Variants in PSG6 observed in about 807,000 individuals in gnomAD.
The protein encoded by PSG6 is pregnancy-specific beta-1-glycoprotein 6.
Under a neutral mutation model 43.3 loss-of-function variants are expected in PSG6, and 51 were observed. That is an observed-to-expected ratio of 1.18 (90% CI 0.94 to 1.49). PSG6 has a LOEUF of 1.49. Among genes scored for constraint, PSG6 ranks in the 40% most tolerant of loss-of-function variants. The pLI, the probability that PSG6 is intolerant of heterozygous loss-of-function variation, is 0.00. For synonymous variants in PSG6, 292 were observed against 197.6 expected (o/e 1.48, Z -4.01); for missense variants, 770 against 522.2 (o/e 1.47, Z -4.62).
At chr19:42,902,810 A>G (rs1427926037) in intron 5 of PSG6, among the ~76,000 whole-genome samples, 2 of 151,492 alleles carry the variant, frequency 1.3e-5, no homozygotes, top group African/African-American at 4.9e-5. Flanking sequence ...GGTAAAAACT[A>G]ACATACCAGA....
chr19:42,907,270 G>C, intron 4 of PSG6, 94 bp from the exon 5 acceptor site: 1 of 1,530,144 alleles, frequency 6.5e-7, no homozygotes. Context: ...TCTGAACCAA[G>C]ACACAACCTC....
intron 5 of PSG6, chr19:42,903,542 CA>C: frequency 7.7e-7 from 1 of 1,306,718 alleles, no homozygotes. Flanking sequence ...AATTGACAAC[CA>C]TTAACTAGAT....
chr19:42,912,989 A>G (rs1355984045), intron 2 of PSG6, among the ~76,000 whole-genome samples: 2 of 151,724 alleles, frequency 1.3e-5, no homozygotes, highest in African/African-American at 4.8e-5. Context: ...TCAAAACAAA[A>G]TATTAAATAT....
chr19:42,916,032 A>G, intron 2 of PSG6, 93 bp downstream of exon 2: 1 of 1,578,900 alleles, frequency 6.3e-7, no homozygotes, highest in Non-Finnish European at 8.6e-7. Context: ...GCAGAGAGTG[A>G]CACAGGCAGA....
At chr19:42,911,207 C>T (rs1972218710) in intron 2 of PSG6, among the ~76,000 whole-genome samples, 1 of 151,544 alleles carries the variant, frequency 6.6e-6, no homozygotes, top group Admixed American at 6.6e-5. Flanking sequence ...TTGGGGCATG[C>T]AGTGCTGGAA....
In PSG6 at chr19:42,907,854, G is replaced by T. The variant is rs139952440; in HGVS notation, c.707C>A (p.Pro236Gln). ...GGTGATGTAAGGCATGGGCAGCTTCGCTGTGTGGATAACAGAAGATTGTCC... is the reference window on the plus strand; with the variant it reads ...GGTGATGTAAGGCATGGGCAGCTTCTCTGTGTGGATAACAGAAGATTGTCC... ...RSDPVTLNLLPKLPMPYITIN... is the reference protein window; with the variant it reads ...RSDPVTLNLLQKLPMPYITIN... Residue 236 changes from proline (P) to glutamine (Q), a missense_variant and splice_region_variant, in exon 4 of 6, where the codon CCG (proline) becomes CAG (glutamine). Coordinates refer to ENST00000187910, the MANE Select transcript of PSG6 (RefSeq NM_001031850.4). 2.4e-4 allele frequency: 390 copies of T among 1,610,596 alleles called. 9 individuals are homozygous for T. The African/African-American group carries it at 4.5e-3, about 19-fold the overall frequency.
At chr19:42,906,692 C>A (rs1063014) in intron 5 of PSG6, 8 of 1,452,560 alleles carry the variant, frequency 5.5e-6, no homozygotes, top group East Asian at 2.4e-5. Flanking sequence ...GCTGATAAAG[C>A]CCCCTCCCTA....
rs1972129087 is a variant in PSG6, at chr19:42,907,134, TA to T, written c.1027del (p.Tyr343ThrfsTer66). 6 of 1,612,408 alleles carry T rather than the reference TA, an allele frequency of 3.7e-6. 1 individual carries two copies. The highest frequency in any genetic ancestry group is 5.1e-6 in the Non-Finnish European group (6 of 1,179,246). On this transcript the variant is annotated frameshift_variant, in exon 5 of 6. Transcript: ENST00000187910. LOFTEE classifies it high-confidence loss of function. Reference sequence around the variant, plus strand: ...CAAGTCGAGGTTTTCTCCTGAACGGTAATAGGTGAATGAAGGGTAAATTCTG... The same window carrying T: ...CAAGTCGAGGTTTTCTCCTGAACGGTATAGGTGAATGAAGGGTAAATTCTG... ...LPRIYPSFTY[Y>X]RSGENLDLSC...
chr19:42,917,420 G>A (rs1465818674), intron 1 of PSG6, among the ~76,000 whole-genome samples: 1 of 145,226 alleles, frequency 6.9e-6, no homozygotes, highest in African/African-American at 2.6e-5. Context: ...CTGGCGTGCA[G>A]TGGTGCTGTC....
In PSG6 at chr19:42,916,353, A is replaced by G. The variant is rs763318394; in HGVS notation, c.199T>C (p.Trp67Arg). 6.2e-7 allele frequency: 1 copy of G among 1,612,028 alleles called. No individual in the cohort carries two copies. Among genetic ancestry groups the G allele is most frequent in the African/African-American group, 1.3e-5 (1 of 74,656 alleles). ...NLPQNLTGYIWYKGQMTDLYH... is the reference protein window; with the variant it reads ...NLPQNLTGYIRYKGQMTDLYH... Reference sequence around the variant, plus strand: ...AGGTCCGTCATTTGCCCTTTGTACCAGATGTAGCCAGTAAGATTCTGGGGC... The same window carrying G: ...AGGTCCGTCATTTGCCCTTTGTACCGGATGTAGCCAGTAAGATTCTGGGGC... Residue 67 changes from tryptophan to arginine, a missense_variant, in exon 2 of 6, where the codon TGG (tryptophan) becomes CGG (arginine). Physicochemically the swap from Trp to Arg is moderately radical, Grantham distance 101. Transcript: ENST00000187910.
intron 2 of PSG6, 23 bp from the exon 3 acceptor site, chr19:42,910,881 A>G (rs770994395): frequency 2.5e-6 from 4 of 1,589,116 alleles, no homozygotes; most frequent in Admixed American, 1.7e-5. Context: ...CAGAGAGAAG[A>G]TTGCCCTGTG....
chr19:42,904,899 C>G (rs1600538512), intron 5 of PSG6, among the ~76,000 whole-genome samples: 1 of 151,560 alleles, frequency 6.6e-6, no homozygotes, highest in Non-Finnish European at 1.5e-5. Flanking sequence ...CTACAAAGCC[C>G]CAGTAATCAA....
chr19:42,902,733 C>T (rs1327119048), intron 5 of PSG6, among the ~76,000 whole-genome samples: 1 of 151,434 alleles, frequency 6.6e-6, no homozygotes, highest in Admixed American at 6.6e-5. Context: ...GCCCCACATT[C>T]CCTCACAGGT....
In PSG6 at chr19:42,907,672, G is replaced by A. The variant is rs768752410; in HGVS notation, c.889C>T (p.Pro297Ser). 7.3e-5 allele frequency: 117 copies of A among 1,611,074 alleles called. 5 individuals are homozygous for A. The Middle Eastern group carries it at 8.2e-4, about 11-fold the overall frequency. The change falls in exon 4 of 6, where the codon CCC becomes TCC. Residue 297 changes from proline to serine, a missense_variant. Transcript: ENST00000187910. ...RPIENRILIL[P>S]SVTRNETGPY... is the part of the protein sequence containing the mutation. Reference sequence around the variant, plus strand: ...CCTGTTTCATTTCTCGTGACACTGGGTAGAATGAGTATCCTGTTTTCAATG... The same window carrying A: ...CCTGTTTCATTTCTCGTGACACTGGATAGAATGAGTATCCTGTTTTCAATG...
chr19:42,907,019 G>C lies in PSG6; in HGVS notation c.1143C>G (p.Pro381=). Reference sequence around the variant, plus strand: ...GCCCGCTATGATTTGTAGTAATTTGGGGGATAAAGAGCTTTTGTCCTGATA... The same window carrying C: ...GCCCGCTATGATTTGTAGTAATTTGCGGGATAAAGAGCTTTTGTCCTGATA... The part of the protein sequence containing the change: ...FQLSGQKLFI[P]QITTNHSGLY... The change falls in exon 5 of 6, where the codon CCC becomes CCG. Residue 381 remains proline, a synonymous_variant. Coordinates refer to ENST00000187910, the MANE Select transcript of PSG6 (RefSeq NM_001031850.4). 1 of 1,612,476 alleles carries C rather than the reference G, an allele frequency of 6.2e-7. No homozygotes were observed. Among genetic ancestry groups the C allele is most frequent in the Non-Finnish European group, 8.5e-7 (1 of 1,179,134 alleles).
Position 42,910,671 on chromosome 19 carries a change from A to G in PSG6, c.615T>C (p.Gly205=). The G allele has an allele frequency of 3.7e-6, 6 of 1,612,328 alleles. No homozygotes were observed. Among genetic ancestry groups the G allele is most frequent in the Non-Finnish European group, 5.1e-6 (6 of 1,179,246 alleles). ...SKTNRTLYLF[G]VTKYIAGPYE... ...AGGGTCCTGCAATATACTTTGTGACACCAAATAGATAGAGGGTCCTGTTGG... is the reference window on the plus strand; with the variant it reads ...AGGGTCCTGCAATATACTTTGTGACGCCAAATAGATAGAGGGTCCTGTTGG... The change falls in exon 3 of 6, where the codon GGT becomes GGC. Residue 205 remains glycine (G), a synonymous_variant. Transcript: ENST00000187910.
At position 42,916,420 on chromosome 19, in the gene PSG6, T is replaced by A. The variant is rs1385532656; in HGVS notation, c.132A>T (p.Lys44Asn). ...AQVIIEAKPPKVSEGKDVLLL... is the reference protein window; with the variant it reads ...AQVIIEAKPPNVSEGKDVLLL... ...GAAGAACATCCTTCCCCTCGGAAAC[T>A]TTGGGTGGCTTGGCTTCAATTATTA... is the stretch of plus-strand genomic sequence containing the variant. The change falls in exon 2 of 6, where the codon AAA (lysine) becomes AAT (asparagine). Residue 44 changes from lysine to asparagine, a missense_variant. Transcript: ENST00000187910. 6 of 1,612,046 alleles carry A rather than the reference T, an allele frequency of 3.7e-6. No individual in the cohort carries two copies. Among genetic ancestry groups the A allele is most frequent in the African/African-American group, 2.7e-5 (2 of 74,806 alleles).
Position 42,916,352 on chromosome 19 carries a change from C to T in PSG6, c.200G>A (p.Trp67Ter). Residue 67 changes from tryptophan to a stop codon, truncating the protein, a stop_gained, in exon 2 of 6, where the codon TGG becomes TAG. Coordinates refer to ENST00000187910, the MANE Select transcript of PSG6 (RefSeq NM_001031850.4). LOFTEE classifies it high-confidence loss of function. ...GAGGTCCGTCATTTGCCCTTTGTAC[C>T]AGATGTAGCCAGTAAGATTCTGGGG... is the stretch of plus-strand genomic sequence containing the variant. ...NLPQNLTGYIWYKGQMTDLYH... is the reference protein window; with the variant it reads ...NLPQNLTGYI 1 of 1,612,074 alleles carries T rather than the reference C, an allele frequency of 6.2e-7. No homozygotes were observed. The highest frequency in any genetic ancestry group is 1.1e-5 in the South Asian group (1 of 90,614).
At chr19:42,914,492 A>G (rs10407782) in intron 2 of PSG6, among the ~76,000 whole-genome samples, 7,186 of 121,720 alleles carry the variant, frequency 0.059, 325 homozygotes, top group East Asian at 0.18. Flanking sequence ...ACTGACTTCA[A>G]AAACCCCAGG....
Sources: gnomAD v4.1 joint callset for allele counts (sites outside exome capture counted in the v4.1 genomes callset) on GRCh38, gnomAD v4.1.1 for gene constraint, MANE v1.5 for transcripts, NCBI Gene and HGNC (gene_info 2026-07-23, HGNC 2026-07-21) for gene names.